The following ASTN2 variants were observed in gnomAD, a reference collection of about 807,000 sequenced individuals.
ASTN2 encodes the protein astrotactin 2, also known as astrotactin-2.
In ASTN2, 54 loss-of-function variants were observed where a neutral mutation model predicts 139.8. The ratio of observed to expected loss-of-function variants is 0.39; its 90% CI spans 0.31 to 0.48. ASTN2 has a LOEUF of 0.48. Among genes scored for constraint, ASTN2 ranks in the 20% least tolerant of loss-of-function variants. ASTN2 has a pLI of 0.95. For synonymous variants in ASTN2, 756 were observed against 719.5 expected (o/e 1.05, Z -0.81); for missense variants, 1,565 against 1,725.1 (o/e 0.91, Z 1.64).
chr9:116,600,993 G>A (rs1313068187), intron 19 of ASTN2, among the ~76,000 whole-genome samples: 1 of 152,174 alleles, frequency 6.6e-6, no homozygotes, highest in Non-Finnish European at 1.5e-5. Flanking sequence ...CAACACTTTG[G>A]AGAAGCTAAT....
chr9:116,440,214 A>C (rs1847800548), intron 22 of ASTN2, among the ~76,000 whole-genome samples: 1 of 152,120 alleles, frequency 6.6e-6, no homozygotes, highest in South Asian at 2.1e-4. Context: ...CTGTAAAAAA[A>C]CTCAGACTTC....
At chr9:116,935,073 G>A (rs1385082091) in intron 10 of ASTN2, among the ~76,000 whole-genome samples, 3 of 152,164 alleles carry the variant, frequency 2.0e-5, no homozygotes, top group East Asian at 1.9e-4. Context: ...TAGGAGTTAC[G>A]CATTAGGAGT....
intron 7 of ASTN2, among the ~76,000 whole-genome samples, chr9:116,996,782 C>A (rs1352787000): frequency 6.6e-6 from 1 of 151,980 alleles, no homozygotes; most frequent in Non-Finnish European, 1.5e-5. Context: ...TTTTTCCATA[C>A]ATTTGTTTAT....
At chr9:117,219,420 C>T (rs1316984868) in intron 2 of ASTN2, among the ~76,000 whole-genome samples, 2 of 152,072 alleles carry the variant, frequency 1.3e-5, no homozygotes, top group African/African-American at 2.4e-5. Flanking sequence ...AAGAAAAAGA[C>T]CTAGGAAGAT....
At chr9:116,551,366 A>G (rs972391360) in intron 19 of ASTN2, among the ~76,000 whole-genome samples, 5 of 152,160 alleles carry the variant, frequency 3.3e-5, no homozygotes. Flanking sequence ...ATCAATGTGC[A>G]TATCCCATTC....
chr9:116,803,829 T>C (rs937111586), intron 13 of ASTN2, among the ~76,000 whole-genome samples: 3 of 143,230 alleles, frequency 2.1e-5, no homozygotes, highest in African/African-American at 7.7e-5. Context: ...CAGCCCAGTT[T>C]AAAAAAAAAA....
At chr9:117,225,178 C>G (rs1413153870) in intron 2 of ASTN2, among the ~76,000 whole-genome samples, 2 of 152,012 alleles carry the variant, frequency 1.3e-5, no homozygotes, top group Non-Finnish European at 2.9e-5. Flanking sequence ...ATCATAAATG[C>G]CTCTCTAAGG....
intron 3 of ASTN2, among the ~76,000 whole-genome samples, chr9:117,183,925 G>A (rs548691622): frequency 5.3e-5 from 8 of 152,306 alleles, no homozygotes; most frequent in African/African-American, 1.7e-4. Flanking sequence ...TTCTTGCAAT[G>A]TGAGGACACA....
At chr9:117,104,472 T>A (rs1829055102) in intron 4 of ASTN2, among the ~76,000 whole-genome samples, 1 of 151,756 alleles carries the variant, frequency 6.6e-6, no homozygotes, top group South Asian at 2.1e-4. Flanking sequence ...ATTCTGTGTA[T>A]GTAATAAAAA....
At chr9:116,928,071 G>A (rs1834804137) in intron 10 of ASTN2, among the ~76,000 whole-genome samples, 1 of 152,056 alleles carries the variant, frequency 6.6e-6, no homozygotes, top group African/African-American at 2.4e-5. Context: ...TTCCCTCCCT[G>A]TTGCTATCCC....
chr9:117,250,098 A>G (rs1164087384), intron 2 of ASTN2, among the ~76,000 whole-genome samples: 2 of 152,216 alleles, frequency 1.3e-5, no homozygotes, highest in Non-Finnish European at 2.9e-5. Context: ...AGGTGGAATC[A>G]GAAGGCTTCT....
chr9:116,668,178 T>C (rs1858983404), intron 16 of ASTN2, among the ~76,000 whole-genome samples: 1 of 150,928 alleles, frequency 6.6e-6, no homozygotes, highest in Admixed American at 6.6e-5. Context: ...TCATACAGTA[T>C]ATAGATTTCA....
At chr9:116,823,083 A>C (rs966287116) in intron 11 of ASTN2, among the ~76,000 whole-genome samples, 4 of 152,224 alleles carry the variant, frequency 2.6e-5, no homozygotes, top group Non-Finnish European at 4.4e-5. Flanking sequence ...CTCCAGAAGG[A>C]GCACCACCAG....
chr9:117,142,882 G>A (rs772358322), intron 3 of ASTN2, among the ~76,000 whole-genome samples: 1 of 152,106 alleles, frequency 6.6e-6, no homozygotes, highest in Non-Finnish European at 1.5e-5. Flanking sequence ...TCCAGAGGCT[G>A]GGAAATTTCT....
At chr9:117,010,919 G>A (rs1375416045) in intron 6 of ASTN2, among the ~76,000 whole-genome samples, 1 of 152,130 alleles carries the variant, frequency 6.6e-6, no homozygotes, top group Non-Finnish European at 1.5e-5. Context: ...CCTGGAGAGG[G>A]GACATAATCT....
chr9:116,714,615 A>C (rs770978943), intron 16 of ASTN2, among the ~76,000 whole-genome samples: 3 of 152,166 alleles, frequency 2.0e-5, no homozygotes, highest in Non-Finnish European at 4.4e-5. Context: ...AACCTAAAAG[A>C]CCTGACCTAA....
In ASTN2 at chr9:117,181,211, G is replaced by A. The variant is rs1417760603; in HGVS notation, c.1015+33147C>T. 8.1e-6 allele frequency: 5 copies of A among 614,766 alleles called. No individual in the cohort carries two copies. The Admixed American group carries it at 8.2e-5, about 10-fold the overall frequency. The allele number at this position is 614,766 out of a possible 1,614,324, so 38.1% of individuals were successfully genotyped here. ...CTTAATTGGCTGCAGATGATCTGGAGTATTTCAATTATTCTTCACAGCAAT... is the reference window on the plus strand; with the variant it reads ...CTTAATTGGCTGCAGATGATCTGGAATATTTCAATTATTCTTCACAGCAAT... On this transcript the variant is annotated intron_variant, in intron 3 of 22. Coordinates refer to ENST00000313400, the MANE Select transcript of ASTN2 (RefSeq NM_001365068.1).
intron 2 of ASTN2, among the ~76,000 whole-genome samples, chr9:117,240,651 C>G (rs142213928): frequency 1.4e-4 from 22 of 152,264 alleles, no homozygotes; most frequent in African/African-American, 4.1e-4. Context: ...CATAGATAAA[C>G]CTTCTAACAG....
chr9:116,923,002 T>A (rs1244171490), intron 10 of ASTN2, among the ~76,000 whole-genome samples: 4 of 152,160 alleles, frequency 2.6e-5, no homozygotes, highest in African/African-American at 9.7e-5. Context: ...AGTATTAGGT[T>A]CTTTGCATAT....
Sources: allele counts gnomAD v4.1 joint callset (sites outside exome capture counted in the v4.1 genomes callset), GRCh38; gene constraint gnomAD v4.1.1; transcripts MANE v1.5; gene names NCBI Gene and HGNC (gene_info 2026-07-23, HGNC 2026-07-21).